The following PHYHIPL variants were observed in gnomAD, a reference collection of about 807,000 sequenced individuals.
The protein encoded by PHYHIPL is phytanoyl-CoA 2-hydroxylase interacting protein like.
A neutral mutation model predicts 33.4 loss-of-function variants in PHYHIPL; 9 were observed. That is an observed-to-expected ratio of 0.27 (90% CI 0.16 to 0.47). The LOEUF (loss-of-function observed/expected upper bound fraction) is 0.47. PHYHIPL is among the 20% of genes least tolerant of loss of function. The pLI is 0.99. For synonymous variants in PHYHIPL, 153 were observed against 154.1 expected (o/e 0.99, Z 0.05); for missense variants, 365 against 460.7 (o/e 0.79, Z 1.90).
Position 59,245,736 on chromosome 10 carries a change from T to G in PHYHIPL, c.*145T>G. Reference sequence around the variant, plus strand: ...AACAAACAACTACCACTTTCCAAATTTCATTCAGAACCATTTTAGTGTTTT... The same window carrying G: ...AACAAACAACTACCACTTTCCAAATGTCATTCAGAACCATTTTAGTGTTTT... On this transcript the variant is annotated 3_prime_UTR_variant, in exon 5 of 5. Coordinates refer to ENST00000373880, the MANE Select transcript of PHYHIPL (RefSeq NM_032439.4). 1.2e-6 allele frequency: 1 copy of G among 857,800 alleles called. No individual in the cohort carries two copies. Among genetic ancestry groups the G allele is most frequent in the Non-Finnish European group, 1.7e-6 (1 of 574,700 alleles). 53.1% of individuals were successfully genotyped at this position (857,800 alleles called of 1,614,324 possible).
In PHYHIPL at chr10:59,238,707, T is replaced by C; in HGVS notation, c.596+2T>C. On this transcript the variant is annotated splice_donor_variant, in intron 4 of 4. Transcript: ENST00000373880. LOFTEE classifies it high-confidence loss of function. Reference sequence around the variant, plus strand: ...CAAAGAATATTTTGACTATGTTCGGTAAGATTCAAAAATATATAGTGATTT... The same window carrying C: ...CAAAGAATATTTTGACTATGTTCGGCAAGATTCAAAAATATATAGTGATTT... 8 of 1,538,816 alleles carry C rather than the reference T, an allele frequency of 5.2e-6. No homozygotes were observed. The highest frequency in any genetic ancestry group is 7.2e-6 in the Non-Finnish European group (8 of 1,112,992).
intron 4 of PHYHIPL, among the ~76,000 whole-genome samples, chr10:59,239,328 AAG>A (rs1840321742): frequency 6.6e-6 from 1 of 152,002 alleles, no homozygotes; most frequent in Admixed American, 6.6e-5. Flanking sequence ...AACAGGCAAA[AAG>A]AGAGCTTGTG....
chr10:59,227,264 G>A (rs1013231839), intron 1 of PHYHIPL, among the ~76,000 whole-genome samples: 9 of 152,150 alleles, frequency 5.9e-5, no homozygotes, highest in Admixed American at 5.9e-4. Context: ...TCTGGTGAGG[G>A]TCGTGTGCTG....
At position 59,198,174 on chromosome 10, in the gene PHYHIPL, C is replaced by T. The variant is rs12781692; in HGVS notation, c.106+21215C>T. Among the ~76,000 whole-genome samples the T allele has an allele frequency of 4.3e-3, 658 of 152,112 alleles. 2 individuals are homozygous for T. The highest frequency in any genetic ancestry group is 7.0e-3 in the Non-Finnish European group (475 of 67,974). On this transcript the variant is annotated intron_variant, in intron 1 of 4. Coordinates refer to ENST00000373880, the MANE Select transcript of PHYHIPL (RefSeq NM_032439.4). ...ACCCGTTAACTCATCATTTACATTA[C>T]GTATATCTCCTAATGCTATCCCTCC...
intron 1 of PHYHIPL, among the ~76,000 whole-genome samples, chr10:59,197,597 G>T (rs927616474): frequency 2.6e-5 from 4 of 152,058 alleles, no homozygotes; most frequent in African/African-American, 9.6e-5. Flanking sequence ...GTACCTTTGT[G>T]CCAGGGCCAG....
At chr10:59,182,438 T>G (rs1435932266) in intron 1 of PHYHIPL, among the ~76,000 whole-genome samples, 1 of 152,026 alleles carries the variant, frequency 6.6e-6, no homozygotes, top group African/African-American at 2.4e-5. Flanking sequence ...CGCCTTCTGG[T>G]TTCACGTGAC....
intron 1 of PHYHIPL, among the ~76,000 whole-genome samples, chr10:59,179,578 T>C (rs1838343776): frequency 6.6e-6 from 1 of 152,146 alleles, no homozygotes; most frequent in Non-Finnish European, 1.5e-5. Flanking sequence ...CAGAGATATT[T>C]TTAATTTTAT....
At chr10:59,183,798 C>A in intron 1 of PHYHIPL, 1 of 403,998 alleles carries the variant, frequency 2.5e-6, no homozygotes, top group Non-Finnish European at 3.3e-6. Flanking sequence ...TGCATATACA[C>A]CATTTGTTGT....
intron 1 of PHYHIPL, among the ~76,000 whole-genome samples, chr10:59,233,429 A>AT (rs969323656): frequency 9.8e-4 from 147 of 149,632 alleles, no homozygotes; most frequent in African/African-American, 2.9e-3. Flanking sequence ...TTTGAATAAC[A>AT]TTTTTTTTTT....
intron 4 of PHYHIPL, among the ~76,000 whole-genome samples, chr10:59,239,566 T>A (rs1373568679): frequency 6.6e-6 from 1 of 152,046 alleles, no homozygotes; most frequent in African/African-American, 2.4e-5. Context: ...GAGGATAATC[T>A]CCTTTGTTTA....
In PHYHIPL at chr10:59,180,279, TACAC is replaced by T. The variant is rs1564698807; in HGVS notation, c.106+3326_106+3329del. On this transcript the variant is annotated intron_variant, in intron 1 of 4. Transcript: ENST00000373880. The stretch of plus-strand genomic sequence containing the variant: ...ATATACACACACACACACACACACA[TACAC>T]ACACATATATAATATATATATATAG... Among the ~76,000 whole-genome samples the T allele has an allele frequency of 6.3e-4, 60 of 95,722 alleles. 1 individual carries two copies. The highest frequency in any genetic ancestry group is 3.0e-3 in the African/African-American group (58 of 19,482). 62.8% of individuals were successfully genotyped at this position (95,722 alleles called of 152,430 possible).
At chr10:59,178,010 G>C (rs1195127848) in intron 1 of PHYHIPL, among the ~76,000 whole-genome samples, 1 of 152,144 alleles carries the variant, frequency 6.6e-6, no homozygotes, top group Admixed American at 6.5e-5. Flanking sequence ...GTTATGTACA[G>C]ATACTAATAC....
chr10:59,182,323 A>T (rs1417335736), intron 1 of PHYHIPL, among the ~76,000 whole-genome samples: 5 of 152,120 alleles, frequency 3.3e-5, no homozygotes, highest in African/African-American at 1.2e-4. Context: ...CCTCCTTTTT[A>T]AACTTTAAAA....
intron 1 of PHYHIPL, among the ~76,000 whole-genome samples, chr10:59,206,417 T>C (rs552485970): frequency 1.3e-5 from 2 of 152,352 alleles, no homozygotes; most frequent in Non-Finnish European, 2.9e-5. Flanking sequence ...GTTCTCGTGA[T>C]TGGCATCGCT....
At chr10:59,218,560 C>G (rs772185921) in intron 1 of PHYHIPL, among the ~76,000 whole-genome samples, 1 of 152,044 alleles carries the variant, frequency 6.6e-6, no homozygotes, top group Non-Finnish European at 1.5e-5. Flanking sequence ...GAGAGAAGAG[C>G]TATCTGTAGA....
intron 1 of PHYHIPL, among the ~76,000 whole-genome samples, chr10:59,205,757 CAGGCAGAAAA>C (rs770985542): frequency 1.2e-4 from 19 of 152,110 alleles, no homozygotes; most frequent in Non-Finnish European, 1.8e-4. Context: ...TAATATTTTT[CAGGCAGAAAA>C]AGGCAGAAAA....
At chr10:59,199,380 T>C (rs1163519145) in intron 1 of PHYHIPL, among the ~76,000 whole-genome samples, 1 of 152,198 alleles carries the variant, frequency 6.6e-6, no homozygotes, top group Non-Finnish European at 1.5e-5. Context: ...TGTGTGGTAT[T>C]ATTTCTGAGG....
At chr10:59,244,853 G>A (rs905187288) in intron 4 of PHYHIPL, among the ~76,000 whole-genome samples, 1 of 152,132 alleles carries the variant, frequency 6.6e-6, no homozygotes, top group Non-Finnish European at 1.5e-5. Flanking sequence ...AAGGCTTGTA[G>A]CAGCTCATCC....
chr10:59,178,995 A>G (rs1170003817), intron 1 of PHYHIPL, among the ~76,000 whole-genome samples: 1 of 152,184 alleles, frequency 6.6e-6, no homozygotes, highest in Non-Finnish European at 1.5e-5. Context: ...GTATACACCA[A>G]CAAATACAAA....
Sources: allele counts gnomAD v4.1 joint callset (sites outside exome capture counted in the v4.1 genomes callset), GRCh38; gene constraint gnomAD v4.1.1; transcripts MANE v1.5; gene names NCBI Gene and HGNC (gene_info 2026-07-23, HGNC 2026-07-21).